The following SHROOM2 variants were observed in gnomAD, a reference collection of about 807,000 sequenced individuals.
SHROOM2 encodes protein Shroom2.
Under a neutral mutation model 75.9 loss-of-function variants are expected in SHROOM2, and 33 were observed. The ratio of observed to expected loss-of-function variants is 0.43; its 90% confidence interval spans 0.33 to 0.58. The LOEUF (loss-of-function observed/expected upper bound fraction) is 0.58. Among genes scored for constraint, SHROOM2 ranks in the 20% least tolerant of loss-of-function variants. The pLI is 0.04. For missense variants in SHROOM2, 1,434 were observed against 1,461.2 expected (o/e 0.98, Z 0.30); for synonymous variants, 655 against 663.6 (o/e 0.99, Z 0.20).
intron 1 of SHROOM2, among the ~76,000 whole-genome samples, chrX:9,868,948 T>C (rs2146792667): frequency 9.1e-6 from 1 of 109,472 alleles, no homozygotes; most frequent in East Asian, 2.9e-4. Flanking sequence ...CTTGATTTTA[T>C]TTTAATTTTT....
rs538619671 is a variant in SHROOM2 at position 9,837,754 on chromosome X, G to A, written c.166-35898G>A. On this transcript the variant is annotated intron_variant, in intron 1 of 9. Coordinates refer to ENST00000380913, the MANE Select transcript of SHROOM2 (RefSeq NM_001649.4). ...CATACCCCTGTGCCCAGCTCCTTGCGGCTGGGTGGGTCTCCTTCACCCTCC... is the reference window on the plus strand; with the variant it reads ...CATACCCCTGTGCCCAGCTCCTTGCAGCTGGGTGGGTCTCCTTCACCCTCC... Among the ~76,000 whole-genome samples the A allele has an allele frequency of 1.4e-4, 16 of 111,913 alleles. No individual in the cohort carries two copies. The South Asian group carries it at 2.2e-3, about 16-fold the overall frequency.
chrX:9,834,473 C>G (rs745764830), intron 1 of SHROOM2, among the ~76,000 whole-genome samples: 1 of 111,732 alleles, frequency 8.9e-6, no homozygotes, highest in East Asian at 2.9e-4. Context: ...GAGCAGAGCT[C>G]GGTGCTCACT....
intron 2 of SHROOM2, among the ~76,000 whole-genome samples, chrX:9,890,469 AG>A (rs777783574): frequency 8.8e-6 from 1 of 113,887 alleles, no homozygotes; most frequent in Non-Finnish European, 1.9e-5. Flanking sequence ...TCTAAAAAGA[AG>A]GTGTGGGTTT....
chrX:9,869,759 T>G (rs187040490), intron 1 of SHROOM2, among the ~76,000 whole-genome samples: 1 of 112,645 alleles, frequency 8.9e-6, no homozygotes, highest in African/African-American at 3.2e-5. Flanking sequence ...GAACTCATAA[T>G]TGTTTAAAGG....
intron 1 of SHROOM2, among the ~76,000 whole-genome samples, chrX:9,868,563 A>G (rs2084153732): frequency 9.2e-6 from 1 of 108,464 alleles, no homozygotes; most frequent in Non-Finnish European, 1.9e-5. Context: ...TATTTTTTTG[A>G]GACAGGGTCT....
intron 5 of SHROOM2, among the ~76,000 whole-genome samples, chrX:9,918,317 A>G (rs2084509778): frequency 8.9e-6 from 1 of 112,284 alleles, no homozygotes; most frequent in South Asian, 3.7e-4. Flanking sequence ...ACAAATTACC[A>G]TAGACTAGGA....
In SHROOM2 at chrX:9,938,537, A is replaced by C. The variant is rs1192261002; in HGVS notation, c.4140-658A>C. 4.5e-5 allele frequency among the ~76,000 whole-genome samples: 5 copies of C among 112,215 alleles called. No individual in the cohort carries two copies. In the Admixed American group the frequency reaches 4.7e-4, roughly 11 times the overall value. On this transcript the variant is annotated intron_variant, in intron 7 of 9. Transcript: ENST00000380913. ...CACTGCACTCCAGTGTGGGTGACAG[A>C]GTAAGACCCCATCTCTTGAAATAGA...
chrX:9,913,018 C>T (rs1361612416), intron 5 of SHROOM2: 1 of 112,465 alleles, frequency 8.9e-6, no homozygotes, highest in African/African-American at 3.2e-5. Context: ...GCCGTAGAGC[C>T]ATCATCTGCT....
At chrX:9,919,871 A>G (rs981955790) in intron 5 of SHROOM2, among the ~76,000 whole-genome samples, 4 of 110,691 alleles carry the variant, frequency 3.6e-5, no homozygotes, top group Non-Finnish European at 7.6e-5. Context: ...ACAGAGTACA[A>G]CTCAACTCAG....
intron 7 of SHROOM2, 60 bp downstream of exon 7, chrX:9,937,745 A>G (rs1415208669): frequency 1.9e-5 from 18 of 971,549 alleles, no homozygotes; most frequent in East Asian, 1.0e-4. Flanking sequence ...TTAGGCTTGT[A>G]AAGGGAAGGG....
intron 1 of SHROOM2, among the ~76,000 whole-genome samples, chrX:9,841,937 G>C (rs1161045767): frequency 1.8e-5 from 2 of 111,916 alleles, no homozygotes; most frequent in Admixed American, 1.9e-4. Flanking sequence ...GTACATGCCT[G>C]TAGTCCCAGC....
intron 1 of SHROOM2, among the ~76,000 whole-genome samples, chrX:9,835,480 T>C (rs758846479): frequency 1.8e-5 from 2 of 112,308 alleles, no homozygotes; most frequent in Non-Finnish European, 3.8e-5. Flanking sequence ...TAGGAAAACG[T>C]TAATTCTTAT....
intron 3 of SHROOM2, 76 bp downstream of exon 3, chrX:9,891,184 A>AT: frequency 1.9e-6 from 2 of 1,079,730 alleles, no homozygotes; most frequent in South Asian, 4.7e-5. Context: ...CTGCAGAATG[A>AT]TTTTGATGTT....
At position 9,895,030 on chromosome X, in the gene SHROOM2, C is replaced by T; in HGVS notation, c.1122C>T (p.His374=). ...CCGATCGGCCTTGGAGGTCAGCACA[C>T]CCGGGGAGCCTCGGGAAGGGATCGG... The part of the protein sequence containing the change: ...ELTDRPWRSA[H]PGSLGKGSGG... The change falls in exon 4 of 10, where the codon CAC becomes CAT. Residue 374 remains histidine (H), a synonymous_variant. Transcript: ENST00000380913. 1 of 1,208,175 alleles carries T rather than the reference C, an allele frequency of 8.3e-7. No homozygotes were observed. The highest frequency in any genetic ancestry group is 3.0e-5 in the East Asian group (1 of 33,644).
At chrX:9,864,652 C>T (rs1238383705) in intron 1 of SHROOM2, among the ~76,000 whole-genome samples, 8 of 108,995 alleles carry the variant, frequency 7.3e-5, no homozygotes, top group East Asian at 2.9e-4. Context: ...GGTGAAACCC[C>T]GTCTCTACTA....
intron 2 of SHROOM2, among the ~76,000 whole-genome samples, chrX:9,875,075 T>A (rs1378117744): frequency 6.2e-4 from 3 of 4,812 alleles, no homozygotes; most frequent in Non-Finnish European, 2.5e-3. Context: ...AGCAAGACCC[T>A]GTCTCAAAAA....
chrX:9,907,353 G>A (rs1042399462), intron 5 of SHROOM2, among the ~76,000 whole-genome samples: 3 of 110,961 alleles, frequency 2.7e-5, no homozygotes, highest in Non-Finnish European at 5.7e-5. Flanking sequence ...CCACACTGCC[G>A]TGCCGCTCTC....
chrX:9,875,285 G>C (rs1182331931), intron 2 of SHROOM2, among the ~76,000 whole-genome samples: 1 of 108,637 alleles, frequency 9.2e-6, no homozygotes, highest in Non-Finnish European at 1.9e-5. Context: ...CCATGACACT[G>C]TGTTATGGTT....
At chrX:9,842,015 C>T (rs1453804927) in intron 1 of SHROOM2, among the ~76,000 whole-genome samples, 1 of 111,893 alleles carries the variant, frequency 8.9e-6, no homozygotes, top group African/African-American at 3.2e-5. Context: ...ACTATGATGG[C>T]GCCACCACAC....
Sources: allele counts gnomAD v4.1 joint callset (sites outside exome capture counted in the v4.1 genomes callset), GRCh38; gene constraint gnomAD v4.1.1; transcripts MANE v1.5; gene names NCBI Gene and HGNC (gene_info 2026-07-23, HGNC 2026-07-21).